TRAPPC8: variants seen among roughly 807,000 people sequenced by gnomAD.
TRAPPC8 encodes general sporulation gene 1 homolog.
TRAPPC8 carries 54 observed loss-of-function variants against 174.3 expected under a neutral mutation model. That is an observed-to-expected ratio of 0.31 (90% CI 0.25 to 0.39). The LOEUF (loss-of-function observed/expected upper bound fraction) is 0.39. TRAPPC8 is among the 10% of genes least tolerant of loss of function. The pLI, the probability that TRAPPC8 is intolerant of heterozygous loss-of-function variation, is 1.00. For missense variants in TRAPPC8, 1,531 were observed against 1,699.1 expected, an observed-to-expected ratio of 0.90 and a Z score of 1.74; for synonymous variants, 630 against 579.9, an observed-to-expected ratio of 1.09 and a Z score of -1.24.
chr18:31,870,876 G>T, intron 15 of TRAPPC8, 50 bp downstream of exon 15: 1 of 1,384,850 alleles, frequency 7.2e-7, no homozygotes, highest in Non-Finnish European at 9.6e-7. Flanking sequence ...TCTTCATCAT[G>T]CTGTAAGTAA....
chr18:31,852,533 A>T (rs769173964), intron 23 of TRAPPC8, 29 bp from the exon 24 acceptor site: 2 of 1,614,002 alleles, frequency 1.2e-6, no homozygotes, highest in African/African-American at 2.7e-5. Context: ...CAAACTAATC[A>T]TATCATTGGC....
chr18:31,942,186 G>A (rs528890614), intron 1 of TRAPPC8, among the ~76,000 whole-genome samples: 1 of 152,220 alleles, frequency 6.6e-6, no homozygotes, highest in Non-Finnish European at 1.5e-5. Flanking sequence ...TCAAAGTCCA[G>A]TTTAACATCC....
Position 31,855,959 on chromosome 18 carries a change from T to C in TRAPPC8, c.3189-152A>G, listed in dbSNP as rs760999553. 6.9e-6 allele frequency: 6 copies of C among 863,688 alleles called. No individual in the cohort carries two copies. In the East Asian group the frequency reaches 1.7e-4, roughly 25 times the overall value. The allele number at this position is 863,688 out of a possible 1,614,324, so 53.5% of individuals were successfully genotyped here. Reference sequence around the variant, plus strand: ...GAATACATTAAGTAAAATTACATAGTTAGCCTAACTTCAGTTCAATTCTTT... The same window carrying C: ...GAATACATTAAGTAAAATTACATAGCTAGCCTAACTTCAGTTCAATTCTTT... On this transcript the variant is annotated intron_variant, in intron 20 of 28. Transcript: ENST00000283351.
chr18:31,877,775 T>C (rs553938708), intron 12 of TRAPPC8, among the ~76,000 whole-genome samples: 1 of 151,294 alleles, frequency 6.6e-6, no homozygotes, highest in Admixed American at 6.6e-5. Flanking sequence ...AATACAAAAT[T>C]AGCCAGGCGT....
chr18:31,911,955 T>C (rs538513788), intron 5 of TRAPPC8, among the ~76,000 whole-genome samples: 1 of 152,056 alleles, frequency 6.6e-6, no homozygotes, highest in African/African-American at 2.4e-5. Context: ...ACTTGGCATT[T>C]GACTACTACC....
chr18:31,864,882 G>C, intron 18 of TRAPPC8, 101 bp from the exon 19 acceptor site: 1 of 1,108,894 alleles, frequency 9.0e-7, no homozygotes, highest in East Asian at 2.8e-5. Context: ...ATTATTTCTA[G>C]AAAAATTCTA....
At chr18:31,836,039 A>C (rs2032695330) in intron 27 of TRAPPC8, among the ~76,000 whole-genome samples, 1 of 152,246 alleles carries the variant, frequency 6.6e-6, no homozygotes, top group South Asian at 2.1e-4. Flanking sequence ...TGAGTATGGA[A>C]ATAAATGCTT....
intron 2 of TRAPPC8, among the ~76,000 whole-genome samples, chr18:31,919,253 C>T (rs2037272268): frequency 6.6e-6 from 1 of 152,126 alleles, no homozygotes; most frequent in Non-Finnish European, 1.5e-5. Context: ...ACTTTGGAGG[C>T]TGGGTGCGGT....
chr18:31,877,610 C>CAAAA (rs1161138155), intron 12 of TRAPPC8, among the ~76,000 whole-genome samples: 5 of 77,128 alleles, frequency 6.5e-5, no homozygotes, highest in Admixed American at 1.6e-4. Flanking sequence ...GACTCCGTCT[C>CAAAA]AAAAAAAAAA....
intron 9 of TRAPPC8, among the ~76,000 whole-genome samples, chr18:31,903,004 C>A (rs1005169408): frequency 2.7e-5 from 4 of 149,706 alleles, no homozygotes; most frequent in African/African-American, 9.9e-5. Context: ...GAGCCGAGAT[C>A]GTGCCACTGC....
intron 12 of TRAPPC8, chr18:31,883,529 T>A (rs1181473758): frequency 6.6e-6 from 1 of 152,518 alleles, no homozygotes; most frequent in African/African-American, 2.4e-5. Flanking sequence ...TTCCAGTCAA[T>A]CACAATTCAT....
intron 27 of TRAPPC8, among the ~76,000 whole-genome samples, chr18:31,836,509 A>G (rs2032729514): frequency 6.6e-6 from 1 of 152,252 alleles, no homozygotes; most frequent in Admixed American, 6.5e-5. Flanking sequence ...TTCAGAAAGT[A>G]CATGAAGCAG....
chr18:31,864,711 G>A lies in TRAPPC8; in HGVS notation c.2661C>T (p.Asn887=). The change falls in exon 19 of 29, where the codon AAC becomes AAT. Residue 887 remains asparagine, a synonymous_variant. Transcript: ENST00000283351. ...DLEIQGPRLN[N]TKEEKTSVKY... ...TAACAGATGTTTTCTCTTCTTTTGT[G>A]TTGTTAAGTCGAGGACCTTGAATTT... is the stretch of plus-strand genomic sequence containing the variant. The A allele has an allele frequency of 6.2e-7, 1 of 1,613,020 alleles. No individual in the cohort carries two copies. Among genetic ancestry groups the A allele is most frequent in the Admixed American group, 1.7e-5 (1 of 59,886 alleles).
chr18:31,872,565 G>C (rs972142864), intron 14 of TRAPPC8, among the ~76,000 whole-genome samples: 1 of 151,888 alleles, frequency 6.6e-6, no homozygotes, highest in Non-Finnish European at 1.5e-5. Flanking sequence ...GACTACAGGC[G>C]CATGCCACCA....
chr18:31,854,010 G>T, intron 21 of TRAPPC8, 65 bp from the exon 22 acceptor site: 3 of 1,289,738 alleles, frequency 2.3e-6, no homozygotes, highest in Non-Finnish European at 3.3e-6. Context: ...GTTCCGATGA[G>T]AATAAAATTC....
chr18:31,846,647 C>A, intron 26 of TRAPPC8, 69 bp downstream of exon 26: 2 of 1,279,780 alleles, frequency 1.6e-6, no homozygotes, highest in East Asian at 2.3e-5. Flanking sequence ...CAAAAGCCAA[C>A]CAACCAAACA....
At chr18:31,883,636 G>A (rs1171591950) in intron 12 of TRAPPC8, 1 of 152,794 alleles carries the variant, frequency 6.5e-6, no homozygotes, top group Admixed American at 6.5e-5. Context: ...CACTGAAGAA[G>A]ATGCTACATC....
intron 7 of TRAPPC8, 67 bp downstream of exon 7, chr18:31,908,687 T>G: frequency 7.1e-7 from 1 of 1,405,376 alleles, no homozygotes; most frequent in Non-Finnish European, 9.4e-7. Context: ...TCAAATACGT[T>G]TAATAATTCT....
chr18:31,833,005 A>G (rs1180641751), intron 27 of TRAPPC8, among the ~76,000 whole-genome samples: 4 of 152,206 alleles, frequency 2.6e-5, no homozygotes, highest in African/African-American at 9.7e-5. Flanking sequence ...AATACTTTTT[A>G]AACAATACCG....
Sources: gnomAD v4.1 joint callset for allele counts (sites outside exome capture counted in the v4.1 genomes callset) on GRCh38, gnomAD v4.1.1 for gene constraint, MANE v1.5 for transcripts, NCBI Gene and HGNC (gene_info 2026-07-23, HGNC 2026-07-21) for gene names.